Variants in RBPMS observed in about 807,000 individuals in gnomAD.
RBPMS encodes the protein RNA-binding protein with multiple splicing.
Under a neutral mutation model 26.8 loss-of-function variants are expected in RBPMS, and 7 were observed. The ratio of observed to expected loss-of-function variants is 0.26; its 90% CI spans 0.15 to 0.49. The LOEUF (loss-of-function observed/expected upper bound fraction) is 0.49. Among genes scored for constraint, RBPMS ranks in the 20% least tolerant of loss-of-function variants. The pLI is 0.98. For synonymous variants in RBPMS, 96 were observed against 93.3 expected (o/e 1.03, Z -0.17); for missense variants, 186 against 250.0 (o/e 0.74, Z 1.73).
intron 7 of RBPMS, among the ~76,000 whole-genome samples, chr8:30,559,777 T>A (rs1827290569): frequency 6.6e-6 from 1 of 152,266 alleles, no homozygotes; most frequent in Non-Finnish European, 1.5e-5. Flanking sequence ...GGGAGGGGCC[T>A]GATCCTCATG....
At chr8:30,435,807 A>G (rs913223905) in intron 1 of RBPMS, among the ~76,000 whole-genome samples, 4 of 152,134 alleles carry the variant, frequency 2.6e-5, no homozygotes, top group Admixed American at 2.6e-4. Flanking sequence ...TTGGTTAGAT[A>G]ATTATTATTT....
At chr8:30,437,511 C>T (rs1812602816) in intron 1 of RBPMS, among the ~76,000 whole-genome samples, 1 of 152,014 alleles carries the variant, frequency 6.6e-6, no homozygotes, top group Admixed American at 6.6e-5. Context: ...AAAAATTAGG[C>T]TGGGCTTGGT....
rs1554515748 is a variant in RBPMS, at chr8:30,446,858, C to CACGTGCGT, written c.67-27921_67-27920insACGTGCGT. Reference sequence around the variant, plus strand: ...GTGTGTGTGTGCGCGCGCGCGCGCGCGGTGGAGGGTAGTGGGGTAGAGATG... The same window carrying CACGTGCGT: ...GTGTGTGTGTGCGCGCGCGCGCGCGCACGTGCGTGGTGGAGGGTAGTGGGGTAGAGATG... On this transcript the variant is annotated intron_variant, in intron 1 of 8. Coordinates refer to ENST00000397323, the MANE Select transcript of RBPMS (RefSeq NM_001008710.3). The CACGTGCGT allele has an allele frequency of 2.2e-4, 29 of 130,012 alleles. 3 individuals carry two copies. The highest frequency in any genetic ancestry group is 8.8e-4 in the African/African-American group (29 of 33,032). 8.1% of individuals were successfully genotyped at this position (130,012 alleles called of 1,614,324 possible).
At chr8:30,416,831 G>A (rs190139343) in intron 1 of RBPMS, among the ~76,000 whole-genome samples, 16 of 151,956 alleles carry the variant, frequency 1.1e-4, no homozygotes, top group Admixed American at 3.3e-4. Context: ...CTACAGTGGT[G>A]CAATCTCGAC....
intron 1 of RBPMS, among the ~76,000 whole-genome samples, chr8:30,416,511 C>T (rs1186129545): frequency 2.6e-5 from 4 of 152,020 alleles, no homozygotes; most frequent in Non-Finnish European, 1.5e-5. Context: ...GAGATGGAGT[C>T]TCGCTCTGTT....
chr8:30,437,165 C>T (rs1812553863), intron 1 of RBPMS, among the ~76,000 whole-genome samples: 1 of 151,670 alleles, frequency 6.6e-6, no homozygotes, highest in Non-Finnish European at 1.5e-5. Context: ...TCATGATCCG[C>T]CTGCCTCGGC....
At chr8:30,414,888 C>G (rs1292138048) in intron 1 of RBPMS, among the ~76,000 whole-genome samples, 2 of 152,082 alleles carry the variant, frequency 1.3e-5, no homozygotes, top group East Asian at 3.9e-4. Context: ...CCTCTTCCTC[C>G]CTGACCCCAC....
At chr8:30,479,273 C>T in intron 3 of RBPMS, 42 bp from the exon 4 acceptor site, 1 of 1,458,784 alleles carries the variant, frequency 6.9e-7, no homozygotes, top group South Asian at 1.1e-5. Flanking sequence ...AAGTAGACAT[C>T]ATCTGATTTT....
chr8:30,567,747 G>T (rs1045822976), intron 8 of RBPMS, among the ~76,000 whole-genome samples: 1 of 152,224 alleles, frequency 6.6e-6, no homozygotes, highest in Non-Finnish European at 1.5e-5. Flanking sequence ...GAGGGGACAG[G>T]TTTGGGTCAC....
intron 6 of RBPMS, among the ~76,000 whole-genome samples, chr8:30,549,782 C>CT (rs1826170867): frequency 1.0e-5 from 1 of 100,264 alleles, no homozygotes; most frequent in African/African-American, 4.8e-5. Context: ...TTCTCTCTCT[C>CT]TCTCTCTCTC....
chr8:30,509,416 C>T, intron 5 of RBPMS, among the ~76,000 whole-genome samples: 1 of 152,214 alleles, frequency 6.6e-6, no homozygotes, highest in Admixed American at 6.5e-5. Context: ...ACAACCTACG[C>T]TAACTGGAAG....
intron 1 of RBPMS, among the ~76,000 whole-genome samples, chr8:30,426,006 G>C (rs1489701640): frequency 1.3e-5 from 2 of 152,130 alleles, no homozygotes; most frequent in Non-Finnish European, 2.9e-5. Flanking sequence ...TTCCCACCGT[G>C]CCCAAAGAGT....
At chr8:30,522,011 T>G (rs904679042) in intron 5 of RBPMS, among the ~76,000 whole-genome samples, 35 of 152,170 alleles carry the variant, frequency 2.3e-4, no homozygotes, top group Non-Finnish European at 8.8e-5. Flanking sequence ...TTAATAACAA[T>G]GTATTGTATA....
At chr8:30,525,815 A>G (rs1563410761) in intron 5 of RBPMS, among the ~76,000 whole-genome samples, 1 of 152,204 alleles carries the variant, frequency 6.6e-6, no homozygotes, top group African/African-American at 2.4e-5. Context: ...TGCAGGTTGC[A>G]GCTCCTCCAG....
chr8:30,414,106 C>A (rs1471237795), intron 1 of RBPMS, among the ~76,000 whole-genome samples: 1 of 151,748 alleles, frequency 6.6e-6, no homozygotes, highest in Non-Finnish European at 1.5e-5. Context: ...CCCCCTCCTC[C>A]CCCACCCCCT....
At chr8:30,552,089 A>T (rs1162331398) in intron 6 of RBPMS, among the ~76,000 whole-genome samples, 1 of 152,182 alleles carries the variant, frequency 6.6e-6, no homozygotes, top group Non-Finnish European at 1.5e-5. Context: ...GAGAAACCTA[A>T]GGGCCTGGGC....
At chr8:30,389,129 G>C (rs1807473504) in intron 1 of RBPMS, among the ~76,000 whole-genome samples, 1 of 152,156 alleles carries the variant, frequency 6.6e-6, no homozygotes, top group African/African-American at 2.4e-5. Context: ...GTACAGAATG[G>C]TTTTATACAA....
At chr8:30,479,498 T>C (rs1326463405) in intron 4 of RBPMS, 121 bp downstream of exon 4, 1 of 766,334 alleles carries the variant, frequency 1.3e-6, no homozygotes, top group African/African-American at 1.8e-5. Context: ...AGGGAGGGAT[T>C]CATCAATTTA....
chr8:30,549,479 C>T (rs1826119442), intron 6 of RBPMS: 1 of 1,597,684 alleles, frequency 6.3e-7, no homozygotes, highest in African/African-American at 1.3e-5. Flanking sequence ...CTGACATTTA[C>T]CTTTTCCTCT....
Sources: allele counts gnomAD v4.1 joint callset (sites outside exome capture counted in the v4.1 genomes callset), GRCh38; gene constraint gnomAD v4.1.1; transcripts MANE v1.5; gene names NCBI Gene and HGNC (gene_info 2026-07-23, HGNC 2026-07-21).